Variants in ASPRV1 observed in about 807,000 individuals in gnomAD.
ASPRV1 encodes aspartic peptidase retroviral like 1.
A neutral mutation model predicts 11.0 loss-of-function variants in ASPRV1; 7 were observed. That is an observed-to-expected ratio of 0.64 (90% CI 0.36 to 1.20). ASPRV1 has a LOEUF of 1.20. ASPRV1 is among the 50% of genes most tolerant of loss of function. The probability of loss-of-function intolerance (pLI) is 0.02; values close to 1 mark genes in which losing one functional copy is unlikely to be tolerated. For missense variants in ASPRV1, 299 were observed against 320.0 expected, an observed-to-expected ratio of 0.93 and a Z score of 0.50; for synonymous variants, 136 against 138.4, an observed-to-expected ratio of 0.98 and a Z score of 0.12.
chr2:70,032,657 C>CA, the ASPRV1 span, among the ~76,000 whole-genome samples: 2 of 152,038 alleles, frequency 1.3e-5, no homozygotes, highest in African/African-American at 2.4e-5. Flanking sequence ...GATCCTATCT[C>CA]AAAAAAATTT....
At chr2:70,007,675 T>C in the ASPRV1 span, among the ~76,000 whole-genome samples, 110 of 152,192 alleles carry the variant, frequency 7.2e-4, no homozygotes, top group African/African-American at 2.6e-3. Context: ...TATTTGCATA[T>C]AAAAAGAGCT....
At chr2:69,945,322 A>G in the ASPRV1 span, among the ~76,000 whole-genome samples, 7 of 152,238 alleles carry the variant, frequency 4.6e-5, no homozygotes, top group Admixed American at 4.6e-4. Context: ...ATTATTTTAA[A>G]ATATATATAA....
At chr2:69,997,856 T>C in the ASPRV1 span, 1 of 152,284 alleles carries the variant, frequency 6.6e-6, no homozygotes, top group Admixed American at 6.5e-5. Flanking sequence ...CGGCCGCCTC[T>C]TCCTCATCGT....
the ASPRV1 span, chr2:69,942,452 T>C: frequency 3.3e-5 from 5 of 152,230 alleles, no homozygotes; most frequent in African/African-American, 1.2e-4. Flanking sequence ...AGCTATTGAA[T>C]GGCTGAAGAG....
chr2:69,961,201 G>A lies in ASPRV1; in HGVS notation c.236C>T (p.Thr79Ile), dbSNP rs1385120150. 9.3e-6 allele frequency: 15 copies of A among 1,613,912 alleles called. No individual in the cohort carries two copies. The highest frequency in any genetic ancestry group is 1.1e-5 in the Non-Finnish European group (13 of 1,179,914). The change falls in exon 1 of 1, where the codon ACT becomes ATT. Residue 79 changes from threonine to isoleucine, a missense_variant. Physicochemically the swap from Thr to Ile is moderately conservative, Grantham distance 89. Coordinates refer to ENST00000320256, the MANE Select transcript of ASPRV1 (RefSeq NM_152792.4). ...LSPQDQGDYG[T>I]VKEALLKAFG... ...GGCCTTCAGGAGGGCCTCTTTCACA[G>A]TCCCATAGTCTCCCTGGTCCTGGGG...
downstream of ASPRV1, among the ~76,000 whole-genome samples, chr2:69,957,816 G>C (rs1018288643): frequency 6.6e-6 from 1 of 152,062 alleles, no homozygotes; most frequent in South Asian, 2.1e-4. Flanking sequence ...GATGTTCATG[G>C]GTCTTCTCTG....
chr2:70,087,082 A>T, the ASPRV1 span: 4 of 134,404 alleles, frequency 3.0e-5, no homozygotes, highest in East Asian at 9.6e-4. Flanking sequence ...CCTCACGCGC[A>T]TGTTTTAAAC....
chr2:70,081,519 G>A, the ASPRV1 span: 1 of 151,734 alleles, frequency 6.6e-6, no homozygotes, highest in Non-Finnish European at 1.5e-5. Flanking sequence ...TTTTTCAACA[G>A]ATATATTTCC....
the ASPRV1 span, among the ~76,000 whole-genome samples, chr2:70,058,881 A>AT: frequency 8.1e-6 from 1 of 124,158 alleles, no homozygotes; most frequent in African/African-American, 3.1e-5. Context: ...TTATTACCCA[A>AT]CTTTTTTTTT....
At chr2:70,007,389 C>T in the ASPRV1 span, among the ~76,000 whole-genome samples, 15 of 152,058 alleles carry the variant, frequency 9.9e-5, no homozygotes, top group Admixed American at 5.2e-4. Context: ...GGCGTGTTGG[C>T]GCATGCCTGT....
chr2:69,972,530 G>A, the ASPRV1 span, among the ~76,000 whole-genome samples: 1 of 151,880 alleles, frequency 6.6e-6, no homozygotes, highest in South Asian at 2.1e-4. Context: ...GCTATTTTTT[G>A]TAATTTTAGT....
the ASPRV1 span, chr2:70,031,019 G>A: frequency 6.6e-6 from 1 of 152,152 alleles, no homozygotes; most frequent in African/African-American, 2.4e-5. Context: ...ATGAGGGGAA[G>A]GTACAGGGCA....
the ASPRV1 span, chr2:70,056,462 G>A: frequency 5.3e-5 from 8 of 151,532 alleles, no homozygotes; most frequent in African/African-American, 1.2e-4. Context: ...AAAATTAGCC[G>A]GGCGTGGTAG....
the ASPRV1 span, among the ~76,000 whole-genome samples, chr2:70,061,943 A>T: frequency 2.0e-5 from 3 of 150,918 alleles, no homozygotes; most frequent in Admixed American, 6.6e-5. Flanking sequence ...AGCCTGGGTG[A>T]CAAGAGCAAA....
the ASPRV1 span, among the ~76,000 whole-genome samples, chr2:70,040,695 G>C: frequency 6.6e-6 from 1 of 152,074 alleles, no homozygotes; most frequent in South Asian, 2.1e-4. Flanking sequence ...TTAGCCGGGC[G>C]CAGTGGCAGG....
chr2:69,991,151 A>G, the ASPRV1 span, among the ~76,000 whole-genome samples: 1 of 152,054 alleles, frequency 6.6e-6, no homozygotes, highest in African/African-American at 2.4e-5. Context: ...CCTCTTGGTG[A>G]CCTGCCTGGG....
the ASPRV1 span, chr2:70,046,203 G>T: frequency 6.6e-6 from 1 of 152,134 alleles, no homozygotes; most frequent in East Asian, 1.9e-4. Flanking sequence ...TTTGTTTTTT[G>T]TTTTTTCCCT....
chr2:70,079,065 C>T, the ASPRV1 span, among the ~76,000 whole-genome samples: 3 of 152,150 alleles, frequency 2.0e-5, no homozygotes, highest in Admixed American at 6.5e-5. Flanking sequence ...TGAATAGCAA[C>T]TCTGAAATGG....
At chr2:70,038,282 C>G in the ASPRV1 span, among the ~76,000 whole-genome samples, 1 of 152,262 alleles carries the variant, frequency 6.6e-6, no homozygotes, top group Non-Finnish European at 1.5e-5. Flanking sequence ...CAGAGTGGCT[C>G]ATGCTTGTAT....
Sources: allele counts gnomAD v4.1 joint callset (sites outside exome capture counted in the v4.1 genomes callset), GRCh38; gene constraint gnomAD v4.1.1; transcripts MANE v1.5; gene names NCBI Gene and HGNC (gene_info 2026-07-23, HGNC 2026-07-21).